Variants in ADGRL2 observed in about 807,000 individuals in gnomAD.
ADGRL2 encodes adhesion G protein-coupled receptor L2.
A neutral mutation model predicts 157.4 loss-of-function variants in ADGRL2; 44 were observed. That is an observed-to-expected ratio of 0.28 (90% CI 0.22 to 0.36). ADGRL2 has a LOEUF of 0.36. ADGRL2 is among the 10% of genes least tolerant of loss of function. ADGRL2 has a pLI of 1.00. For missense variants in ADGRL2, 1,510 were observed against 1,768.9 expected (o/e 0.85, Z 2.63); for synonymous variants, 585 against 624.7 (o/e 0.94, Z 0.95).
At chr1:81,324,977 A>G (rs948939023) in intron 1 of ADGRL2, among the ~76,000 whole-genome samples, 1 of 152,124 alleles carries the variant, frequency 6.6e-6, no homozygotes, top group Non-Finnish European at 1.5e-5. Flanking sequence ...CCGACCTCCC[A>G]AAGTGCTGGG....
At chr1:81,463,920 G>A (rs1275287780) in intron 2 of ADGRL2, among the ~76,000 whole-genome samples, 14 of 151,624 alleles carry the variant, frequency 9.2e-5, no homozygotes, top group African/African-American at 3.4e-4. Flanking sequence ...TTGTTTCTTA[G>A]GTTCGTCCTG....
chr1:81,632,821 A>C (rs762484001), intron 3 of ADGRL2, among the ~76,000 whole-genome samples: 5 of 151,880 alleles, frequency 3.3e-5, no homozygotes, highest in Admixed American at 6.6e-5. Context: ...GGAGGTGAAA[A>C]GGTGGGCAGG....
At chr1:81,496,201 G>A (rs1406481095) in intron 2 of ADGRL2, among the ~76,000 whole-genome samples, 1 of 152,136 alleles carries the variant, frequency 6.6e-6, no homozygotes, top group Non-Finnish European at 1.5e-5. Context: ...AGTGGCGGTA[G>A]ACAGATTGCC....
chr1:81,346,447 A>G (rs1662486540), intron 1 of ADGRL2, among the ~76,000 whole-genome samples: 1 of 152,170 alleles, frequency 6.6e-6, no homozygotes, highest in East Asian at 1.9e-4. Context: ...ATCAGAGGCT[A>G]CTATTAACTT....
At chr1:81,971,983 A>C in intron 17 of ADGRL2, 65 bp downstream of exon 17, 1 of 1,020,838 alleles carries the variant, frequency 9.8e-7, no homozygotes, top group Non-Finnish European at 1.5e-6. Context: ...TCAAACAAGG[A>C]TAATTTGTTT....
intron 2 of ADGRL2, among the ~76,000 whole-genome samples, chr1:81,552,371 T>C (rs1242579173): frequency 1.3e-5 from 2 of 152,140 alleles, no homozygotes; most frequent in East Asian, 3.9e-4. Flanking sequence ...CGAGCACAGT[T>C]AGACCTGGAT....
intron 3 of ADGRL2, among the ~76,000 whole-genome samples, chr1:81,597,740 A>AC (rs1235568982): frequency 6.6e-6 from 1 of 152,150 alleles, no homozygotes; most frequent in Non-Finnish European, 1.5e-5. Flanking sequence ...TGCATTTCAT[A>AC]CCCCCAATAA....
intron 2 of ADGRL2, among the ~76,000 whole-genome samples, chr1:81,779,648 A>C (rs1008489244): frequency 6.6e-6 from 1 of 152,208 alleles, no homozygotes; most frequent in Admixed American, 6.5e-5. Context: ...AGAGCCTGTC[A>C]GTAAGTCCCT....
At chr1:81,984,931 T>A (rs1206703284) in intron 20 of ADGRL2, among the ~76,000 whole-genome samples, 1 of 152,080 alleles carries the variant, frequency 6.6e-6, no homozygotes, top group Non-Finnish European at 1.5e-5. Context: ...AAGAAGTGTG[T>A]CATAATCGTC....
chr1:81,949,742 AT>A (rs1225552301), intron 6 of ADGRL2, among the ~76,000 whole-genome samples: 1 of 152,252 alleles, frequency 6.6e-6, no homozygotes. Flanking sequence ...GTGACTTTAA[AT>A]TTTTTTATCA....
At chr1:81,828,622 A>T (rs1398397756) in intron 1 of ADGRL2, among the ~76,000 whole-genome samples, 1 of 152,034 alleles carries the variant, frequency 6.6e-6, no homozygotes, top group African/African-American at 2.4e-5. Flanking sequence ...CTTTTTTATT[A>T]AATGTCACTG....
chr1:81,414,673 G>T (rs1389297170), intron 1 of ADGRL2, among the ~76,000 whole-genome samples: 1 of 152,130 alleles, frequency 6.6e-6, no homozygotes, highest in African/African-American at 2.4e-5. Context: ...TACTTTGCTT[G>T]AAGGAAATGT....
rs921681376 is a variant in ADGRL2 at position 81,992,870 on chromosome 1, A to C, written c.*1725A>C. The stretch of plus-strand genomic sequence containing the variant: ...CCAAGTTCAAAAATCATATAATTGA[A>C]TATCAAGAAATAGATGTTTTCTGTT... On this transcript the variant is annotated 3_prime_UTR_variant, in exon 24 of 24. Coordinates refer to ENST00000686636, the MANE Select transcript of ADGRL2 (RefSeq NM_001366006.2). 6.6e-6 allele frequency among the ~76,000 whole-genome samples: 1 copy of C among 151,544 alleles called. No individual in the cohort carries two copies. The highest frequency in any genetic ancestry group is 1.5e-5 in the Non-Finnish European group (1 of 67,916).
At chr1:81,779,724 C>T (rs2086738349) in intron 2 of ADGRL2, among the ~76,000 whole-genome samples, 1 of 152,192 alleles carries the variant, frequency 6.6e-6, no homozygotes. Flanking sequence ...TTTGTGTTTG[C>T]ATAGGCAGAA....
rs76940010 is a variant in ADGRL2 at position 81,398,511 on chromosome 1, G to A, written c.-301-46525G>A. On this transcript the variant is annotated intron_variant, in intron 1 of 24. Transcript: ENST00000370721. ...TTATACTTTTGCATGTTTTTGTGGT[G>A]TGATTATCATCTTTTTCCTCCCATA... Among the ~76,000 whole-genome samples the A allele has an allele frequency of 7.6e-3, 1,151 of 152,052 alleles. 11 individuals carry two copies. The highest frequency in any genetic ancestry group is 0.011 in the Non-Finnish European group (775 of 67,990).
rs77095768 is a variant in ADGRL2 at position 81,634,153 on chromosome 1, G to T, written c.-143+53173G>T. Among the ~76,000 whole-genome samples, 400 of 152,262 alleles carry T rather than the reference G, an allele frequency of 2.6e-3. 4 individuals are homozygous for T. The highest frequency in any genetic ancestry group is 9.4e-3 in the African/African-American group (389 of 41,552). ...GCCAAGGCAAGAGAATGTTTCAAAAGGAAGAAGTGATCAGTTGTGCCAAAT... is the reference window on the plus strand; with the variant it reads ...GCCAAGGCAAGAGAATGTTTCAAAATGAAGAAGTGATCAGTTGTGCCAAAT... On this transcript the variant is annotated intron_variant, in intron 3 of 24. Transcript: ENST00000370721.
intron 2 of ADGRL2, among the ~76,000 whole-genome samples, chr1:81,548,762 G>T (rs987889050): frequency 6.6e-6 from 1 of 152,062 alleles, no homozygotes; most frequent in Non-Finnish European, 1.5e-5. Context: ...TCTCAAAGAA[G>T]AAAAACTTTC....
At chr1:81,814,835 A>G (rs960162644) in intron 1 of ADGRL2, among the ~76,000 whole-genome samples, 2 of 151,680 alleles carry the variant, frequency 1.3e-5, no homozygotes, top group African/African-American at 2.4e-5. Context: ...AAGCTGTGCT[A>G]AAGAGAAATG....
At chr1:81,709,247 A>G (rs1048260629) in intron 1 of ADGRL2, among the ~76,000 whole-genome samples, 1 of 152,200 alleles carries the variant, frequency 6.6e-6, no homozygotes, top group Non-Finnish European at 1.5e-5. Context: ...TTACTTTTGC[A>G]CCAACCTAAT....
Sources: allele counts gnomAD v4.1 joint callset (sites outside exome capture counted in the v4.1 genomes callset), GRCh38; gene constraint gnomAD v4.1.1; transcripts MANE v1.5; gene names NCBI Gene and HGNC (gene_info 2026-07-23, HGNC 2026-07-21).